INPP5A: variants seen among roughly 807,000 people sequenced by gnomAD.
The protein encoded by INPP5A is 43 kDa inositol polyphosphate 5-phophatase.
In INPP5A, 14 loss-of-function variants were observed where a neutral mutation model predicts 65.2. That is an observed-to-expected ratio of 0.21 (90% CI 0.14 to 0.34). INPP5A has a LOEUF of 0.34. Ranked by LOEUF, INPP5A falls within the 10% of genes least tolerant of loss-of-function variation. The pLI, the probability that INPP5A is intolerant of heterozygous loss-of-function variation, is 1.00. For missense variants in INPP5A, 431 were observed against 545.6 expected, an observed-to-expected ratio of 0.79 and a Z score of 2.09; for synonymous variants, 207 against 208.3, an observed-to-expected ratio of 0.99 and a Z score of 0.05.
intron 4 of INPP5A, among the ~76,000 whole-genome samples, chr10:132,662,074 C>A (rs2072743641): frequency 6.6e-6 from 1 of 152,194 alleles, no homozygotes; most frequent in African/African-American, 2.4e-5. Context: ...CAAGATCACA[C>A]AGGACTTCTT....
Position 132,666,951 on chromosome 10 carries a change from TA to T in INPP5A, c.306+16452del, listed in dbSNP as rs2072812639. Among the ~76,000 whole-genome samples, 6 of 152,304 alleles carry T rather than the reference TA, an allele frequency of 3.9e-5. No homozygotes were observed. The South Asian group carries it at 1.2e-3, about 32-fold the overall frequency. ...ATCATAGGAGGGTAAAGGTGGTTTT[TA>T]AAAAAGTTATTTTCATTAATTCCTC... On this transcript the variant is annotated intron_variant, in intron 4 of 15. Transcript: ENST00000368594.
rs2072771014 is a variant in INPP5A, at chr10:132,663,970, G to A, written c.306+13465G>A. Reference sequence around the variant, plus strand: ...GTGATCGAGTGCCGTGTCACACGCAGCCCAGGAAACAAACACGCCGCGCGA... The same window carrying A: ...GTGATCGAGTGCCGTGTCACACGCAACCCAGGAAACAAACACGCCGCGCGA... On this transcript the variant is annotated intron_variant, in intron 4 of 15. Transcript: ENST00000368594. This position sits in a 1 kb window ranked among gnomAD's most constrained non-coding sequence, Gnocchi z 4.5. 6.6e-6 allele frequency among the ~76,000 whole-genome samples: 1 copy of A among 152,228 alleles called. No homozygotes were observed. The highest frequency in any genetic ancestry group is 2.4e-5 in the African/African-American group (1 of 41,458).
intron 9 of INPP5A, among the ~76,000 whole-genome samples, chr10:132,737,381 C>T (rs1208497744): frequency 2.0e-5 from 3 of 152,108 alleles, no homozygotes; most frequent in East Asian, 1.9e-4. Flanking sequence ...CTCCTGCTGC[C>T]GTGGGTTAAT....
In INPP5A at chr10:132,629,787, TCCATGAGGG is replaced by T. The variant is rs544428933; in HGVS notation, c.118-16080_118-16072del. 1.8e-4 allele frequency among the ~76,000 whole-genome samples: 28 copies of T among 152,112 alleles called. No individual in the cohort carries two copies. The East Asian group carries it at 5.2e-3, about 28-fold the overall frequency. On this transcript the variant is annotated intron_variant, in intron 2 of 15. Coordinates refer to ENST00000368594, the MANE Select transcript of INPP5A (RefSeq NM_005539.5). The stretch of plus-strand genomic sequence containing the variant: ...GGGAAGCTGTCCTCCAGGGAAGGCA[TCCATGAGGG>T]AGGGTCCATGAGTGGAGGGTATCCA...
intron 9 of INPP5A, among the ~76,000 whole-genome samples, chr10:132,736,231 C>T (rs535769435): frequency 5.9e-5 from 9 of 152,342 alleles, no homozygotes; most frequent in East Asian, 1.9e-4. Flanking sequence ...CTGCCTCGCG[C>T]GGTGGCAACT....
At chr10:132,684,560 G>T (rs1437577303) in intron 4 of INPP5A, among the ~76,000 whole-genome samples, 1 of 152,344 alleles carries the variant, frequency 6.6e-6, no homozygotes, top group South Asian at 2.1e-4. Context: ...ACAGGATGTG[G>T]TGTGTCCCTG....
intron 13 of INPP5A, among the ~76,000 whole-genome samples, chr10:132,778,940 G>GTGGCTCTGTC (rs983774339): frequency 6.6e-6 from 1 of 152,258 alleles, no homozygotes; most frequent in African/African-American, 2.4e-5. Context: ...CCTCTGCCAT[G>GTGGCTCTGTC]TGGCTCTGTC....
chr10:132,572,881 A>G (rs191802284), intron 1 of INPP5A, among the ~76,000 whole-genome samples: 58 of 152,282 alleles, frequency 3.8e-4, no homozygotes, highest in African/African-American at 1.4e-3. Context: ...CATTGAAAGA[A>G]CTTGTTTAAA....
At chr10:132,666,032 G>T (rs1429624516) in intron 4 of INPP5A, among the ~76,000 whole-genome samples, 3 of 142,884 alleles carry the variant, frequency 2.1e-5, no homozygotes. Context: ...TGCAGCCTGG[G>T]CAACAGAGCA....
intron 4 of INPP5A, among the ~76,000 whole-genome samples, chr10:132,664,548 G>C (rs148325886): frequency 7.9e-5 from 12 of 152,180 alleles, no homozygotes; most frequent in Admixed American, 7.9e-4. Context: ...CACAGACCTC[G>C]CCTGTTGCCC....
chr10:132,693,677 A>T lies in INPP5A; in HGVS notation c.370+3222A>T, dbSNP rs116832099. On this transcript the variant is annotated intron_variant, in intron 5 of 15. Coordinates refer to ENST00000368594, the MANE Select transcript of INPP5A (RefSeq NM_005539.5). ...TTGTTTGAAAAAAACAATAAAATGG[A>T]TAAACCTCTAGCCAGACTAAGAAAA... 3.5e-3 allele frequency among the ~76,000 whole-genome samples: 532 copies of T among 152,364 alleles called. 2 individuals are homozygous for T. The highest frequency in any genetic ancestry group is 0.012 in the African/African-American group (503 of 41,582).
intron 9 of INPP5A, among the ~76,000 whole-genome samples, chr10:132,743,366 CCA>C (rs1564994784): frequency 1.1e-4 from 16 of 142,954 alleles, no homozygotes; most frequent in African/African-American, 4.3e-4. Flanking sequence ...GCGAGCCCAC[CCA>C]CCAGCGCTGC....
chr10:132,777,854 G>A, intron 13 of INPP5A, 72 bp downstream of exon 13: 2 of 1,571,046 alleles, frequency 1.3e-6, no homozygotes, highest in East Asian at 2.4e-5. Context: ...CCCAGCCCTG[G>A]TGACAGGGCC....
intron 2 of INPP5A, among the ~76,000 whole-genome samples, chr10:132,625,633 C>T (rs1241610695): frequency 6.6e-6 from 1 of 152,148 alleles, no homozygotes; most frequent in Non-Finnish European, 1.5e-5. Flanking sequence ...GCTGCAGGGG[C>T]AAGGGGTGAC....
chr10:132,691,653 A>C (rs995679231), intron 5 of INPP5A, among the ~76,000 whole-genome samples: 3 of 152,108 alleles, frequency 2.0e-5, no homozygotes, highest in Admixed American at 2.0e-4. Context: ...TACACACTTC[A>C]CTCTAGCAAA....
At chr10:132,598,029 C>T (rs1390933336) in intron 1 of INPP5A, among the ~76,000 whole-genome samples, 1 of 152,214 alleles carries the variant, frequency 6.6e-6, no homozygotes, top group Non-Finnish European at 1.5e-5. Flanking sequence ...CTCAGATTTA[C>T]TGTCTGTTTT....
chr10:132,575,036 A>G lies in INPP5A; in HGVS notation c.76-32879A>G, dbSNP rs1238166384. On this transcript the variant is annotated intron_variant, in intron 1 of 15. Coordinates refer to ENST00000368594, the MANE Select transcript of INPP5A (RefSeq NM_005539.5). The surrounding 1 kb of genome is among the most constrained non-coding windows in gnomAD (Gnocchi z 5.4). ...GCACACCTCAGCATATGGTCTGCGGAGTCCTCCCGGGGGCTCCGGATTCGG... is the reference window on the plus strand; with the variant it reads ...GCACACCTCAGCATATGGTCTGCGGGGTCCTCCCGGGGGCTCCGGATTCGG... 6.6e-6 allele frequency among the ~76,000 whole-genome samples: 1 copy of G among 152,138 alleles called. No individual in the cohort carries two copies.
At chr10:132,680,753 G>A (rs910902636) in intron 4 of INPP5A, among the ~76,000 whole-genome samples, 1 of 152,238 alleles carries the variant, frequency 6.6e-6, no homozygotes, top group Non-Finnish European at 1.5e-5. Context: ...CCCGCACTCC[G>A]AGCAGCCGGC....
chr10:132,746,791 G>A (rs1040150664), intron 9 of INPP5A, among the ~76,000 whole-genome samples: 4 of 152,368 alleles, frequency 2.6e-5, no homozygotes, highest in South Asian at 4.1e-4. Context: ...CAAAAGAGAA[G>A]AATCCCTTCC....
Sources: gnomAD v4.1 joint callset for allele counts (sites outside exome capture counted in the v4.1 genomes callset) on GRCh38, gnomAD v4.1.1 for gene constraint, Gnocchi (gnomAD v3.1) non-coding constraint, MANE v1.5 for transcripts, NCBI Gene and HGNC (gene_info 2026-07-23, HGNC 2026-07-21) for gene names.